The following PLEKHG3 variants were observed in gnomAD, a reference collection of about 807,000 sequenced individuals.
PLEKHG3 encodes the protein pleckstrin homology domain-containing family G member 3.
In PLEKHG3, 62 loss-of-function variants were observed where a neutral mutation model predicts 94.9. The ratio of observed to expected loss-of-function variants is 0.65; its 90% confidence interval spans 0.53 to 0.81. PLEKHG3 has a LOEUF of 0.81. PLEKHG3 is among the 30% of genes least tolerant of loss of function. The pLI, the probability that PLEKHG3 is intolerant of heterozygous loss-of-function variation, is 0.00. For synonymous variants in PLEKHG3, 614 were observed against 654.0 expected (o/e 0.94, Z 0.93); for missense variants, 1,461 against 1,619.3 (o/e 0.90, Z 1.68).
At chr14:64,733,095 G>A (rs1004933353) in intron 12 of PLEKHG3, among the ~76,000 whole-genome samples, 194 bp downstream of exon 12, 1 of 151,926 alleles carries the variant, frequency 6.6e-6, no homozygotes, top group Non-Finnish European at 1.5e-5. Flanking sequence ...GTACCCCTGG[G>A]CCCTCGTTGC....
chr14:64,749,718 T>C lies in PLEKHG3; in HGVS notation c.*6015T>C, dbSNP rs1442198598. 1.2e-6 allele frequency: 2 copies of C among 1,612,810 alleles called. No homozygotes were observed. Among genetic ancestry groups the C allele is most frequent in the Admixed American group, 1.7e-5 (1 of 59,910 alleles). The stretch of plus-strand genomic sequence containing the variant: ...CAGCCTAGGAGGACAAAGGGTTTCC[T>C]GTCATGGAGACACCTCTGGAGGGGG... On this transcript the variant is annotated 3_prime_UTR_variant, in exon 17 of 17. Transcript: ENST00000247226. This position sits in a 1 kb window ranked among gnomAD's most constrained non-coding sequence, Gnocchi z 4.7.
chr14:64,743,495 C>T lies in PLEKHG3; in HGVS notation c.3452C>T (p.Pro1151Leu). ...CGGGTGATTGTCATGGAGAAGGGAC[C>T]CCTTCCCAGCCCCACTGCAGGGCTG... ...NRRVIVMEKG[P>L]LPSPTAGLEE... Residue 1151 changes from proline (P) to leucine (L), a missense_variant, in exon 17 of 17, where the codon CCC (proline) becomes CTC (leucine). Pro to Leu is a moderately conservative substitution (Grantham distance 98). Around this residue, in one of 3 missense-constraint regions of PLEKHG3, gnomAD observed 1,201 missense variants for 1,295.5 expected, o/e 0.93. Coordinates refer to ENST00000247226, the MANE Select transcript of PLEKHG3 (RefSeq NM_001308147.2). This position sits in a 1 kb window ranked among gnomAD's most constrained non-coding sequence, Gnocchi z 7.2. The T allele has an allele frequency of 1.2e-6, 2 of 1,613,104 alleles. No homozygotes were observed. Among genetic ancestry groups the T allele is most frequent in the Non-Finnish European group, 1.7e-6 (2 of 1,179,974 alleles).
Position 64,725,774 on chromosome 14 carries a change from A to G in PLEKHG3, c.-39-1819A>G, listed in dbSNP as rs2081340095. On this transcript the variant is annotated intron_variant, in intron 1 of 16. Coordinates refer to ENST00000247226, the MANE Select transcript of PLEKHG3 (RefSeq NM_001308147.2). This position sits in a 1 kb window ranked among gnomAD's most constrained non-coding sequence, Gnocchi z 5.0. ...GAGGTGACCCCCTCCAGTGAGACAC[A>G]GTGACAAAGTGCTGTGCTCCAGAGC... Among the ~76,000 whole-genome samples the G allele has an allele frequency of 6.6e-6, 1 of 152,206 alleles. No individual in the cohort carries two copies. The highest frequency in any genetic ancestry group is 1.5e-5 in the Non-Finnish European group (1 of 68,030).
At chr14:64,713,470 T>G (rs1156294644) in intron 1 of PLEKHG3, among the ~76,000 whole-genome samples, 1 of 152,254 alleles carries the variant, frequency 6.6e-6, no homozygotes, top group Non-Finnish European at 1.5e-5. Flanking sequence ...ATTTAATCTC[T>G]TGTTTAGACT....
At chr14:64,729,176 G>T in intron 3 of PLEKHG3, 83 bp downstream of exon 3, 1 of 632,442 alleles carries the variant, frequency 1.6e-6, no homozygotes, top group Non-Finnish European at 2.8e-6. Flanking sequence ...GATGTCCCTG[G>T]TCTCATGGGC....
chr14:64,749,410 C>G lies in PLEKHG3; in HGVS notation c.*5707C>G, dbSNP rs757030824. On this transcript the variant is annotated 3_prime_UTR_variant, in exon 17 of 17. Coordinates refer to ENST00000247226, the MANE Select transcript of PLEKHG3 (RefSeq NM_001308147.2). The surrounding 1 kb of genome is among the most constrained non-coding windows in gnomAD (Gnocchi z 4.7). ...GGCAGGGGCAGGCTCTGCGCCTTGA[C>G]GCGGATGCTCTGGGACTCGTTGATG... is the stretch of plus-strand genomic sequence containing the variant. The G allele has an allele frequency of 3.7e-6, 6 of 1,607,664 alleles. No homozygotes were observed. The highest frequency in any genetic ancestry group is 1.7e-5 in the Admixed American group (1 of 59,966).
At position 64,721,703 on chromosome 14, in the gene PLEKHG3, A is replaced by G. The variant is rs1350705512; in HGVS notation, c.-39-5890A>G. Among the ~76,000 whole-genome samples the G allele has an allele frequency of 1.3e-5, 2 of 152,130 alleles. No individual in the cohort carries two copies. The highest frequency in any genetic ancestry group is 2.9e-5 in the Non-Finnish European group (2 of 67,998). On this transcript the variant is annotated intron_variant, in intron 1 of 16. Transcript: ENST00000247226. The surrounding 1 kb of genome is among the most constrained non-coding windows in gnomAD (Gnocchi z 4.3). ...TTATTACGGTGCTCAGGGCTGCTGA[A>G]TCTCCAGGAGGGATGGGAGGGGTCA... is the stretch of plus-strand genomic sequence containing the variant.
chr14:64,708,247 C>T (rs1163934729), intron 1 of PLEKHG3, among the ~76,000 whole-genome samples: 1 of 152,174 alleles, frequency 6.6e-6, no homozygotes, highest in Non-Finnish European at 1.5e-5. Context: ...GCCCTGACCA[C>T]CCCCCTCTTG....
chr14:64,711,155 G>A (rs991224447), intron 1 of PLEKHG3, among the ~76,000 whole-genome samples: 8 of 152,124 alleles, frequency 5.3e-5, no homozygotes, highest in Admixed American at 1.3e-4. Flanking sequence ...GCTCAGGATC[G>A]CTCAGCTAAT....
Position 64,741,582 on chromosome 14 carries a change from C to T in PLEKHG3, c.2065C>T (p.Pro689Ser), listed in dbSNP as rs1270980726. 2 of 1,612,872 alleles carry T rather than the reference C, an allele frequency of 1.2e-6. No homozygotes were observed. The highest frequency in any genetic ancestry group is 1.7e-6 in the Non-Finnish European group (2 of 1,180,032). ...CCCTTCTGTCAATGGGATGGAGCCCCCAAGCCCAGGCTGCCCAGTGGAGCC... is the reference window on the plus strand; with the variant it reads ...CCCTTCTGTCAATGGGATGGAGCCCTCAAGCCCAGGCTGCCCAGTGGAGCC... ...DSPSVNGMEPPSPGCPVEPDR... is the reference protein window; with the variant it reads ...DSPSVNGMEPSSPGCPVEPDR... Residue 689 changes from proline to serine, a missense_variant, in exon 16 of 17, where the codon CCA (proline) becomes TCA (serine). Pro to Ser is a moderately conservative substitution (Grantham distance 74). Transcript: ENST00000247226.
Position 64,748,862 on chromosome 14 carries a change from T to C in PLEKHG3, c.*5159T>C, listed in dbSNP as rs1323039093. ...TCCCCTTTCCCTGGCTGCCACCAGG[T>C]GGGAGGTGACCCGAAGCAAGACTTG... On this transcript the variant is annotated 3_prime_UTR_variant, in exon 17 of 17. Transcript: ENST00000247226. 5.9e-6 allele frequency: 1 copy of C among 169,350 alleles called. No individual in the cohort carries two copies. The highest frequency in any genetic ancestry group is 2.4e-5 in the African/African-American group (1 of 41,214). 10.5% of individuals were successfully genotyped at this position (169,350 alleles called of 1,614,324 possible).
Position 64,716,435 on chromosome 14 carries a change from T to TACACACACACACAC in PLEKHG3, c.-39-11140_-39-11127dup, listed in dbSNP as rs61468622. Among the ~76,000 whole-genome samples the TACACACACACACAC allele has an allele frequency of 9.5e-6, 1 of 105,280 alleles. No homozygotes were observed. Among genetic ancestry groups the TACACACACACACAC allele is most frequent in the Non-Finnish European group, 1.9e-5 (1 of 53,252 alleles). The allele number at this position is 105,280 out of a possible 152,430, so 69.1% of individuals were successfully genotyped here. ...GGTTAGAGAAGGTCATGTAGGGCCC[T>TACACACACACACAC]ACACACACACACACACACACACACA... is the stretch of plus-strand genomic sequence containing the variant. On this transcript the variant is annotated intron_variant, in intron 1 of 16. Transcript: ENST00000247226. This position sits in a 1 kb window ranked among gnomAD's most constrained non-coding sequence, Gnocchi z 5.0.
In PLEKHG3 at chr14:64,736,898, G is replaced by A. The variant is rs1350827689; in HGVS notation, c.1384+7G>A. 1 of 1,610,116 alleles carries A rather than the reference G, an allele frequency of 6.2e-7. No homozygotes were observed. The highest frequency in any genetic ancestry group is 1.3e-5 in the African/African-American group (1 of 74,970). On this transcript the variant is annotated splice_region_variant and intron_variant, in intron 13 of 16. Transcript: ENST00000247226. ...AGGCAACTCAACGAGAAAGGTGAGT[G>A]TGTGAGGTGGCCAGCCATTCCCAGT...
In PLEKHG3 at chr14:64,736,833, G is replaced by T. The variant is rs748415375; in HGVS notation, c.1346-20G>T. On this transcript the variant is annotated intron_variant, in intron 12 of 16. Coordinates refer to ENST00000247226, the MANE Select transcript of PLEKHG3 (RefSeq NM_001308147.2). Reference sequence around the variant, plus strand: ...CAGTTTCCTGGCCCGCGCTGACTCTGCTCATGCTTTCCTCCTCAGAGCCAA... The same window carrying T: ...CAGTTTCCTGGCCCGCGCTGACTCTTCTCATGCTTTCCTCCTCAGAGCCAA... The T allele has an allele frequency of 6.2e-7, 1 of 1,606,722 alleles. No homozygotes were observed. Among genetic ancestry groups the T allele is most frequent in the Non-Finnish European group, 8.5e-7 (1 of 1,173,394 alleles).
rs1231583672 is a variant in PLEKHG3 at position 64,737,171 on chromosome 14, C to T, written c.1385-185C>T. ...CTGCGCTGCTCTGTGGCCCCTGGGC[C>T]CCTGCTCTGTCAGTCATTCTTTTGA... On this transcript the variant is annotated intron_variant, in intron 13 of 16. Transcript: ENST00000247226. The T allele has an allele frequency of 4.6e-6, 3 of 651,752 alleles. No homozygotes were observed. The East Asian group carries it at 8.1e-5, about 18-fold the overall frequency. 40.4% of individuals were successfully genotyped at this position (651,752 alleles called of 1,614,324 possible).
At chr14:64,708,890 T>G (rs73271702) in intron 1 of PLEKHG3, among the ~76,000 whole-genome samples, 42 of 144,868 alleles carry the variant, frequency 2.9e-4, no homozygotes, top group African/African-American at 1.0e-3. Context: ...TTCCTGGGAC[T>G]GCCAGTTGGT....
intron 3 of PLEKHG3, among the ~76,000 whole-genome samples, chr14:64,729,865 C>A (rs569791423): frequency 1.6e-4 from 25 of 152,202 alleles, no homozygotes; most frequent in Non-Finnish European, 3.2e-4. Flanking sequence ...CCATGTCCCA[C>A]ATCCTGGGCG....
chr14:64,731,784 G>C lies in PLEKHG3; in HGVS notation c.1103G>C (p.Ser368Thr). The C allele has an allele frequency of 6.2e-7, 1 of 1,613,328 alleles. No homozygotes were observed. Reference sequence around the variant, plus strand: ...TTCACTGTCACCCACTACAAGCACAGCAAGCAGCAGTACAGCATCCAGGTG... The same window carrying C: ...TTCACTGTCACCCACTACAAGCACACCAAGCAGCAGTACAGCATCCAGGTG... The part of the protein sequence containing the change: ...LCFTVTHYKH[S>T]KQQYSIQAKT... Residue 368 changes from serine (S) to threonine (T), a missense_variant, in exon 9 of 17, where the codon AGC becomes ACC. Physicochemically the swap from Ser to Thr is moderately conservative, Grantham distance 58 (BLOSUM62 1). Around this residue, in one of 3 missense-constraint regions of PLEKHG3, gnomAD observed 1,201 missense variants for 1,295.5 expected, o/e 0.93. Transcript: ENST00000247226. This position sits in a 1 kb window ranked among gnomAD's most constrained non-coding sequence, Gnocchi z 6.1.
rs201446230 is a variant in PLEKHG3 at position 64,749,961 on chromosome 14, A to C, written c.*6258A>C. ...AATCAAGCCATCAACCCGAGCTTTCAAAGGCCAGGAAGGCCTCACCTCAGC... is the reference window on the plus strand; with the variant it reads ...AATCAAGCCATCAACCCGAGCTTTCCAAGGCCAGGAAGGCCTCACCTCAGC... On this transcript the variant is annotated 3_prime_UTR_variant, in exon 17 of 17. Transcript: ENST00000247226. This position sits in a 1 kb window ranked among gnomAD's most constrained non-coding sequence, Gnocchi z 4.7. 8.1e-6 allele frequency: 13 copies of C among 1,614,186 alleles called. No individual in the cohort carries two copies. The highest frequency in any genetic ancestry group is 1.1e-5 in the Non-Finnish European group (13 of 1,180,030).
Sources: gnomAD v4.1 joint callset for allele counts (sites outside exome capture counted in the v4.1 genomes callset) on GRCh38, gnomAD v4.1.1 for gene constraint, gnomAD v4.1.1 regional missense constraint, Gnocchi (gnomAD v3.1) non-coding constraint, MANE v1.5 for transcripts, NCBI Gene and HGNC (gene_info 2026-07-23, HGNC 2026-07-21) for gene names.